The following LRRC7 variants were observed in gnomAD, a reference collection of about 807,000 sequenced individuals.
The protein encoded by LRRC7 is leucine rich repeat containing 7.
In LRRC7, 23 loss-of-function variants were observed where a neutral mutation model predicts 175.7. The observed-to-expected ratio is 0.13, with a 90% CI of 0.09 to 0.19. The LOEUF (loss-of-function observed/expected upper bound fraction) is 0.19. Ranked by LOEUF, LRRC7 falls within the 10% of genes least tolerant of loss-of-function variation. The probability of loss-of-function intolerance (pLI) is 1.00; values close to 1 mark genes in which losing one functional copy is unlikely to be tolerated. For missense variants in LRRC7, 1,354 were observed against 1,904.7 expected, an observed-to-expected ratio of 0.71 and a Z score of 5.38; for synonymous variants, 685 against 680.9, an observed-to-expected ratio of 1.01 and a Z score of -0.09.
chr1:69,801,812 G>A (rs538117923), intron 4 of LRRC7, among the ~76,000 whole-genome samples: 1 of 148,256 alleles, frequency 6.7e-6, no homozygotes, highest in African/African-American at 2.5e-5. Context: ...AAGTTAGTCT[G>A]TGACCTTTCT....
chr1:69,683,785 G>A (rs943913085), intron 2 of LRRC7, among the ~76,000 whole-genome samples: 1 of 151,962 alleles, frequency 6.6e-6, no homozygotes, highest in African/African-American at 2.4e-5. Flanking sequence ...TTATTGAGCA[G>A]GGAATTATAA....
chr1:69,596,511 T>C (rs549653154), intron 1 of LRRC7, among the ~76,000 whole-genome samples: 1 of 152,204 alleles, frequency 6.6e-6, no homozygotes, highest in African/African-American at 2.4e-5. Flanking sequence ...AACCACCTGA[T>C]GTAAACAATA....
intron 2 of LRRC7, among the ~76,000 whole-genome samples, chr1:69,752,382 T>C (rs1669935997): frequency 6.6e-6 from 1 of 152,194 alleles, no homozygotes. Context: ...AAGACTGAAC[T>C]TTCCTTTGTC....
At chr1:69,742,521 A>G (rs1347853400) in intron 2 of LRRC7, among the ~76,000 whole-genome samples, 2 of 151,634 alleles carry the variant, frequency 1.3e-5, no homozygotes, top group Non-Finnish European at 3.0e-5. Context: ...ATGTGTGTGT[A>G]TGTGTGTGTC....
At position 69,739,796 on chromosome 1, in the gene LRRC7, A is replaced by G. The variant is rs941953696; in HGVS notation, c.101-20395A>G. 4.6e-5 allele frequency among the ~76,000 whole-genome samples: 7 copies of G among 152,190 alleles called. No individual in the cohort carries two copies. The South Asian group carries it at 1.0e-3, about 23-fold the overall frequency. On this transcript the variant is annotated intron_variant, in intron 2 of 26. Transcript: ENST00000651989. ...CCAAAAACAAGTTTAATTTGTGTAC[A>G]ATGGTAGCTACAAATCTGAATTTTC...
intron 2 of LRRC7, among the ~76,000 whole-genome samples, chr1:69,759,901 A>G (rs1374657168): frequency 1.3e-5 from 2 of 152,024 alleles, no homozygotes; most frequent in African/African-American, 2.4e-5. Context: ...TTGAACTGAG[A>G]CAGGATTGTA....
At chr1:69,978,123 C>T (rs995574277) in intron 8 of LRRC7, among the ~76,000 whole-genome samples, 1 of 152,146 alleles carries the variant, frequency 6.6e-6, no homozygotes. Context: ...CATGGTGAAA[C>T]CCCGCCTCTA....
intron 1 of LRRC7, among the ~76,000 whole-genome samples, chr1:69,647,861 T>C (rs563680645): frequency 5.9e-5 from 9 of 152,282 alleles, no homozygotes; most frequent in Non-Finnish European, 8.8e-5. Flanking sequence ...ATACTTGCTA[T>C]TTGCTTCTTT....
chr1:70,119,065 A>C (rs1481289288), intron 26 of LRRC7, among the ~76,000 whole-genome samples: 1 of 151,244 alleles, frequency 6.6e-6, no homozygotes, highest in Non-Finnish European at 1.5e-5. Context: ...TTTGTTTCTT[A>C]GAAAAATGAT....
At chr1:69,990,949 G>A (rs1481787497) in intron 10 of LRRC7, among the ~76,000 whole-genome samples, 2 of 152,074 alleles carry the variant, frequency 1.3e-5, no homozygotes, top group Non-Finnish European at 1.5e-5. Context: ...AGGCAATAGA[G>A]TTGGTTACCA....
intron 24 of LRRC7, among the ~76,000 whole-genome samples, chr1:70,082,463 G>C (rs1663273136): frequency 1.3e-5 from 2 of 152,126 alleles, no homozygotes; most frequent in African/African-American, 2.4e-5. Flanking sequence ...GTTTGACACA[G>C]AGAATGTGTG....
intron 23 of LRRC7, among the ~76,000 whole-genome samples, chr1:70,075,292 G>A (rs1571249462): frequency 6.6e-6 from 1 of 152,138 alleles, no homozygotes; most frequent in Non-Finnish European, 1.5e-5. Flanking sequence ...ATGACGCAAG[G>A]AGCTGGTGCT....
At chr1:69,824,497 T>C (rs904843814) in intron 4 of LRRC7, among the ~76,000 whole-genome samples, 2 of 152,046 alleles carry the variant, frequency 1.3e-5, no homozygotes, top group East Asian at 3.9e-4. Context: ...AGTTCAGTAA[T>C]AATTTTAGGA....
intron 3 of LRRC7, among the ~76,000 whole-genome samples, chr1:69,771,915 G>A (rs1210125236): frequency 6.6e-6 from 1 of 152,124 alleles, no homozygotes; most frequent in African/African-American, 2.4e-5. Context: ...GAAGTCAAGA[G>A]ATCAAGACCA....
chr1:69,771,847 A>G (rs1345200066), intron 3 of LRRC7, among the ~76,000 whole-genome samples: 1 of 152,160 alleles, frequency 6.6e-6, no homozygotes, highest in Non-Finnish European at 1.5e-5. Flanking sequence ...GGGTCCAGGC[A>G]CGGTGGCTCA....
chr1:69,681,142 A>G (rs1419577031), intron 2 of LRRC7, among the ~76,000 whole-genome samples: 1 of 152,146 alleles, frequency 6.6e-6, no homozygotes, highest in African/African-American at 2.4e-5. Flanking sequence ...TCTTGCAGCA[A>G]TGTTAGATGG....
chr1:69,689,607 C>A (rs1387796244), intron 2 of LRRC7, among the ~76,000 whole-genome samples: 1 of 152,152 alleles, frequency 6.6e-6, no homozygotes, highest in Non-Finnish European at 1.5e-5. Flanking sequence ...TCATTCCAGT[C>A]TTCCCCACTC....
chr1:69,924,458 A>G (rs948965495), intron 7 of LRRC7, among the ~76,000 whole-genome samples: 55 of 150,664 alleles, frequency 3.7e-4, no homozygotes, highest in African/African-American at 1.2e-3. Context: ...TTCCATTTGT[A>G]TCCTCTTTTA....
intron 2 of LRRC7, among the ~76,000 whole-genome samples, chr1:69,680,643 G>A (rs1485663507): frequency 6.7e-6 from 1 of 148,952 alleles, no homozygotes; most frequent in South Asian, 2.1e-4. Context: ...CTCTGTGACA[G>A]ACTAGTGTGA....
Sources: allele counts gnomAD v4.1 joint callset (sites outside exome capture counted in the v4.1 genomes callset), GRCh38; gene constraint gnomAD v4.1.1; transcripts MANE v1.5; gene names NCBI Gene and HGNC (gene_info 2026-07-23, HGNC 2026-07-21).